SNX29: variants seen among roughly 807,000 people sequenced by gnomAD.
SNX29 encodes sorting nexin-29.
SNX29 carries 78 observed loss-of-function variants against 102.1 expected under a neutral mutation model. That is an observed-to-expected ratio of 0.76 (90% CI 0.64 to 0.92). The LOEUF (loss-of-function observed/expected upper bound fraction) is 0.92, where lower values mean the gene tolerates loss of function less well. Among genes scored for constraint, SNX29 ranks in the 40% least tolerant of loss-of-function variants. SNX29 has a pLI of 0.00. For missense variants in SNX29, 1,280 were observed against 1,061.7 expected, an observed-to-expected ratio of 1.21 and a Z score of -2.86; for synonymous variants, 580 against 414.5, an observed-to-expected ratio of 1.40 and a Z score of -4.85.
At chr16:12,063,163 G>A (rs1386245836) in intron 9 of SNX29, among the ~76,000 whole-genome samples, 4 of 152,168 alleles carry the variant, frequency 2.6e-5, no homozygotes, top group Non-Finnish European at 5.9e-5. Context: ...CAGTGAAGGC[G>A]CCTTGAGTTA....
intron 18 of SNX29, among the ~76,000 whole-genome samples, chr16:12,420,802 C>T (rs1033785270): frequency 2.0e-5 from 3 of 152,204 alleles, no homozygotes; most frequent in Admixed American, 1.3e-4. Flanking sequence ...CAAGCTCATG[C>T]TTCAGGGTGA....
intron 18 of SNX29, among the ~76,000 whole-genome samples, chr16:12,455,605 C>G (rs911007731): frequency 1.3e-5 from 2 of 152,194 alleles, no homozygotes; most frequent in African/African-American, 2.4e-5. Context: ...TTCTGACTTC[C>G]CAGTTTTCGC....
intron 11 of SNX29, among the ~76,000 whole-genome samples, chr16:12,103,241 A>AT (rs2053093077): frequency 6.6e-6 from 1 of 152,224 alleles, no homozygotes. Flanking sequence ...GAGCCCATAT[A>AT]GCCAAGCTAA....
chr16:12,239,783 G>A (rs2078045837), intron 14 of SNX29, among the ~76,000 whole-genome samples: 1 of 151,454 alleles, frequency 6.6e-6, no homozygotes, highest in South Asian at 2.1e-4. Context: ...TCATGCCACT[G>A]CACTCCAGCA....
intron 19 of SNX29, among the ~76,000 whole-genome samples, chr16:12,509,987 C>G (rs189757108): frequency 6.6e-6 from 1 of 152,376 alleles, no homozygotes; most frequent in Non-Finnish European, 1.5e-5. Flanking sequence ...TTTTCATTTA[C>G]TTCATGGCAT....
intron 3 of SNX29, among the ~76,000 whole-genome samples, chr16:12,025,923 G>T (rs930232904): frequency 6.6e-6 from 1 of 152,188 alleles, no homozygotes; most frequent in Admixed American, 6.5e-5. Context: ...AGGAGGTCAC[G>T]TAAATGTCAG....
intron 20 of SNX29, among the ~76,000 whole-genome samples, chr16:12,532,979 C>G (rs927444169): frequency 6.6e-6 from 1 of 152,226 alleles, no homozygotes; most frequent in South Asian, 2.1e-4. Context: ...CGCAGCACGG[C>G]TGTGGTGGCA....
rs375457713 is a variant in SNX29, at chr16:12,333,486, TTAAG to T, written c.1783-22673_1783-22670del. ...AGAGAAGAAAGCTGAAGCTCAGAGA[TTAAG>T]TAATTTGATCAATTACATCTGATCA... On this transcript the variant is annotated intron_variant, in intron 15 of 20. Transcript: ENST00000566228. 4.1e-4 allele frequency among the ~76,000 whole-genome samples: 63 copies of T among 152,184 alleles called. 2 individuals carry two copies. The South Asian group carries it at 0.012, about 29-fold the overall frequency.
chr16:12,207,556 A>G (rs1043362323), intron 14 of SNX29, among the ~76,000 whole-genome samples: 3 of 151,892 alleles, frequency 2.0e-5, no homozygotes, highest in African/African-American at 7.3e-5. Flanking sequence ...TCTCGCTCTC[A>G]CTGCTCATCA....
At chr16:12,546,966 C>G (rs982025921) in intron 20 of SNX29, among the ~76,000 whole-genome samples, 1 of 152,148 alleles carries the variant, frequency 6.6e-6, no homozygotes, top group African/African-American at 2.4e-5. Flanking sequence ...CTCCATCCAC[C>G]CATTCCTCCA....
intron 16 of SNX29, among the ~76,000 whole-genome samples, chr16:12,358,903 C>T (rs926786543): frequency 2.0e-5 from 3 of 152,208 alleles, no homozygotes; most frequent in Admixed American, 6.5e-5. Context: ...AGCTCCGCAC[C>T]GCTTCCCATA....
At chr16:12,281,074 A>AT (rs2079415444) in intron 15 of SNX29, among the ~76,000 whole-genome samples, 1 of 152,038 alleles carries the variant, frequency 6.6e-6, no homozygotes, top group Admixed American at 6.6e-5. Flanking sequence ...TTCCCAGCTA[A>AT]TTTTTTTAAA....
rs943954406 is a variant in SNX29 at position 12,573,309 on chromosome 16, G to T, written c.*4680G>T. Reference sequence around the variant, plus strand: ...TGAGCCATTGCCATCTTATGGGCCCGATTTGGGTACTCTGAATTATGTCAT... The same window carrying T: ...TGAGCCATTGCCATCTTATGGGCCCTATTTGGGTACTCTGAATTATGTCAT... On this transcript the variant is annotated 3_prime_UTR_variant, in exon 21 of 21. Transcript: ENST00000566228. 4 of 226,618 alleles carry T rather than the reference G, an allele frequency of 1.8e-5. No homozygotes were observed. Among genetic ancestry groups the T allele is most frequent in the African/African-American group, 6.7e-5 (3 of 45,080 alleles). The allele number at this position is 226,618 out of a possible 1,614,324, so 14.0% of individuals were successfully genotyped here.
chr16:12,467,821 G>A (rs781074038), intron 18 of SNX29, among the ~76,000 whole-genome samples: 1 of 152,170 alleles, frequency 6.6e-6, no homozygotes, highest in Non-Finnish European at 1.5e-5. Context: ...GGTCTACCTA[G>A]CATGCCAGAT....
intron 14 of SNX29, among the ~76,000 whole-genome samples, chr16:12,242,345 A>G (rs1179186785): frequency 2.1e-5 from 3 of 140,260 alleles, no homozygotes; most frequent in African/African-American, 8.5e-5. Context: ...ATCTAATTAT[A>G]TATAATAATA....
At position 12,573,161 on chromosome 16, in the gene SNX29, A is replaced by AT; in HGVS notation, c.*4533dup. ...AAATAAAGCTTCAGCTCCTTGGTCA[A>AT]TAGAAGTAAGGGTGTAGCCATCCAG... On this transcript the variant is annotated 3_prime_UTR_variant, in exon 21 of 21. Coordinates refer to ENST00000566228, the MANE Select transcript of SNX29 (RefSeq NM_032167.5). 4.4e-6 allele frequency: 1 copy of AT among 226,440 alleles called. No individual in the cohort carries two copies. The highest frequency in any genetic ancestry group is 8.8e-6 in the Non-Finnish European group (1 of 113,896). 14.0% of individuals were successfully genotyped at this position (226,440 alleles called of 1,614,324 possible).
At chr16:12,502,496 G>T (rs1175932459) in intron 19 of SNX29, among the ~76,000 whole-genome samples, 2 of 152,078 alleles carry the variant, frequency 1.3e-5, no homozygotes, top group Non-Finnish European at 2.9e-5. Context: ...CCCTTTGAAT[G>T]CCACCCCCCA....
At chr16:12,203,341 C>A (rs1217685566) in intron 14 of SNX29, among the ~76,000 whole-genome samples, 1 of 150,606 alleles carries the variant, frequency 6.6e-6, no homozygotes, top group Non-Finnish European at 1.5e-5. Context: ...TAGTGTGGCC[C>A]TGCTGTCAGG....
At chr16:12,410,515 T>G (rs941420386) in intron 18 of SNX29, among the ~76,000 whole-genome samples, 2 of 152,068 alleles carry the variant, frequency 1.3e-5, no homozygotes, top group Non-Finnish European at 2.9e-5. Context: ...GGCACAATCA[T>G]GGCTCATTTC....
Sources: allele counts gnomAD v4.1 joint callset (sites outside exome capture counted in the v4.1 genomes callset), GRCh38; gene constraint gnomAD v4.1.1; transcripts MANE v1.5; gene names NCBI Gene and HGNC (gene_info 2026-07-23, HGNC 2026-07-21).